ERBB4: variants seen among roughly 807,000 people sequenced by gnomAD.
ERBB4 encodes receptor tyrosine-protein kinase erbB-4.
In ERBB4, 42 loss-of-function variants were observed where a neutral mutation model predicts 158.0. The observed-to-expected ratio is 0.27, with a 90% CI of 0.21 to 0.34. The LOEUF is 0.34. ERBB4 is among the 10% of genes least tolerant of loss of function. The pLI, the probability that ERBB4 is intolerant of heterozygous loss-of-function variation, is 1.00. For missense variants in ERBB4, 1,333 were observed against 1,624.1 expected (o/e 0.82, Z 3.08); for synonymous variants, 583 against 558.7 (o/e 1.04, Z -0.61).
At chr2:212,520,287 T>C (rs1397774611) in intron 1 of ERBB4, among the ~76,000 whole-genome samples, 3 of 151,968 alleles carry the variant, frequency 2.0e-5, no homozygotes, top group Non-Finnish European at 4.4e-5. Context: ...AAGTAAAAAG[T>C]TGAGTTGAAA....
intron 1 of ERBB4, among the ~76,000 whole-genome samples, chr2:212,408,196 T>C (rs1268416968): frequency 6.6e-6 from 1 of 152,042 alleles, no homozygotes; most frequent in Non-Finnish European, 1.5e-5. Flanking sequence ...CACCTAGGTA[T>C]TAAGCCCAGC....
intron 15 of ERBB4, among the ~76,000 whole-genome samples, chr2:211,660,258 C>T (rs960314700): frequency 4.6e-5 from 7 of 152,218 alleles, no homozygotes; most frequent in African/African-American, 1.7e-4. Context: ...TCTGTGGATA[C>T]TAGTCAGCTG....
At chr2:212,199,218 A>G (rs1481100121) in intron 1 of ERBB4, among the ~76,000 whole-genome samples, 1 of 152,160 alleles carries the variant, frequency 6.6e-6, no homozygotes, top group Admixed American at 6.5e-5. Context: ...ATTTACAACC[A>G]TTAACTCACT....
chr2:212,332,685 C>T (rs1245723050), intron 1 of ERBB4, among the ~76,000 whole-genome samples: 1 of 151,970 alleles, frequency 6.6e-6, no homozygotes, highest in Non-Finnish European at 1.5e-5. Flanking sequence ...TCATTTCTTT[C>T]CTGGGTTGTA....
intron 1 of ERBB4, among the ~76,000 whole-genome samples, chr2:212,383,263 A>C (rs527439329): frequency 1.3e-5 from 2 of 151,388 alleles, no homozygotes; most frequent in East Asian, 3.9e-4. Context: ...ACCTACCTAC[A>C]CCCTACAATT....
chr2:211,799,019 C>T (rs2076442517), intron 3 of ERBB4, among the ~76,000 whole-genome samples: 1 of 152,060 alleles, frequency 6.6e-6, no homozygotes, highest in Non-Finnish European at 1.5e-5. Context: ...CAGGTTGGTG[C>T]ATAGTTCGTA....
At chr2:212,537,845 C>T (rs935005735) in intron 1 of ERBB4, among the ~76,000 whole-genome samples, 30 of 152,062 alleles carry the variant, frequency 2.0e-4, no homozygotes, top group Admixed American at 2.6e-4. Context: ...GCCCAGAACT[C>T]CGGGCCCCGG....
At chr2:211,800,816 G>A (rs996401461) in intron 3 of ERBB4, among the ~76,000 whole-genome samples, 1 of 151,960 alleles carries the variant, frequency 6.6e-6, no homozygotes, top group African/African-American at 2.4e-5. Context: ...CCCACTTAAG[G>A]AAAAGCACTT....
chr2:211,901,040 C>T (rs1283615479), intron 3 of ERBB4, among the ~76,000 whole-genome samples: 1 of 152,076 alleles, frequency 6.6e-6, no homozygotes, highest in Non-Finnish European at 1.5e-5. Flanking sequence ...ATATTATATA[C>T]TATAAAATGT....
chr2:211,603,813 C>T (rs891484548), intron 19 of ERBB4, among the ~76,000 whole-genome samples: 1 of 152,210 alleles, frequency 6.6e-6, no homozygotes, highest in East Asian at 1.9e-4. Context: ...GTACTTCACA[C>T]AAGCTGGGCA....
At chr2:212,131,131 C>A (rs900962288) in intron 1 of ERBB4, among the ~76,000 whole-genome samples, 1 of 152,098 alleles carries the variant, frequency 6.6e-6, no homozygotes, top group South Asian at 2.1e-4. Flanking sequence ...GTTTTGTTAT[C>A]TCTATGTTCA....
intron 2 of ERBB4, among the ~76,000 whole-genome samples, chr2:211,956,220 T>C (rs757234709): frequency 6.6e-6 from 1 of 152,136 alleles, no homozygotes; most frequent in Non-Finnish European, 1.5e-5. Context: ...ACTTGGGGAA[T>C]TGACTTTTAA....
chr2:211,463,352 G>C (rs1374238558), intron 20 of ERBB4, among the ~76,000 whole-genome samples: 1 of 152,156 alleles, frequency 6.6e-6, no homozygotes, highest in Admixed American at 6.5e-5. Context: ...TTGCTATGTG[G>C]ATTGCACACT....
intron 5 of ERBB4, among the ~76,000 whole-genome samples, chr2:211,749,713 T>C (rs1384486928): frequency 1.3e-5 from 2 of 152,196 alleles, no homozygotes; most frequent in East Asian, 3.8e-4. Context: ...CAAATAGAAC[T>C]AGACAAATGT....
intron 1 of ERBB4, among the ~76,000 whole-genome samples, chr2:212,201,903 T>C (rs2082596293): frequency 6.6e-6 from 1 of 152,214 alleles, no homozygotes. Context: ...TTGGCACTTA[T>C]ATGAATTATT....
Position 212,147,157 on chromosome 2 carries a change from A to ATTTTTTTTTT in ERBB4, c.83-22264_83-22255dup, listed in dbSNP as rs71397161. Among the ~76,000 whole-genome samples the ATTTTTTTTTT allele has an allele frequency of 3.4e-3, 118 of 34,260 alleles. 16 individuals carry two copies. Among genetic ancestry groups the ATTTTTTTTTT allele is most frequent in the Middle Eastern group, 0.024 (1 of 42 alleles). 22.5% of individuals were successfully genotyped at this position (34,260 alleles called of 152,430 possible). ...AGGGGCATGCCACCATGCCCAGCTA[A>ATTTTTTTTTT]TTTTTTTTTTTTTTTTTTTTTTTTT... On this transcript the variant is annotated intron_variant, in intron 1 of 27. Transcript: ENST00000342788.
At chr2:211,996,653 G>A (rs1173013840) in intron 2 of ERBB4, among the ~76,000 whole-genome samples, 4 of 152,104 alleles carry the variant, frequency 2.6e-5, no homozygotes, top group Non-Finnish European at 5.9e-5. Context: ...ATACTGTAAT[G>A]TTCTATGTGC....
At chr2:211,747,502 T>G (rs962084378) in intron 5 of ERBB4, among the ~76,000 whole-genome samples, 2 of 152,246 alleles carry the variant, frequency 1.3e-5, no homozygotes, top group Admixed American at 6.5e-5. Context: ...GAAGGGGGTA[T>G]TTTTCGGAGA....
intron 1 of ERBB4, among the ~76,000 whole-genome samples, chr2:212,402,579 A>G (rs1460014475): frequency 6.6e-6 from 1 of 152,070 alleles, no homozygotes. Flanking sequence ...AGTTTTGTAA[A>G]ATGTGACTAC....
Sources: gnomAD v4.1 joint callset for allele counts (sites outside exome capture counted in the v4.1 genomes callset) on GRCh38, gnomAD v4.1.1 for gene constraint, MANE v1.5 for transcripts, NCBI Gene and HGNC (gene_info 2026-07-23, HGNC 2026-07-21) for gene names.